EPB41: variants seen among roughly 807,000 people sequenced by gnomAD.
The protein encoded by EPB41 is erythrocyte membrane protein band 4.1.
In EPB41, 65 loss-of-function variants were observed where a neutral mutation model predicts 108.0. The ratio of observed to expected loss-of-function variants is 0.60; its 90% CI spans 0.49 to 0.74. The LOEUF (loss-of-function observed/expected upper bound fraction) is 0.74, where lower values mean the gene tolerates loss of function less well. EPB41 is among the 30% of genes least tolerant of loss of function. The pLI is 0.00. For synonymous variants in EPB41, 336 were observed against 358.9 expected, an observed-to-expected ratio of 0.94 and a Z score of 0.72; for missense variants, 875 against 1,037.0, an observed-to-expected ratio of 0.84 and a Z score of 2.15.
intron 16 of EPB41, among the ~76,000 whole-genome samples, chr1:29,091,730 GCAGA>G (rs1394755523): frequency 3.3e-5 from 5 of 152,120 alleles, no homozygotes; most frequent in African/African-American, 9.7e-5. Flanking sequence ...AGATACATTT[GCAGA>G]CAGAGACAGC....
intron 16 of EPB41, among the ~76,000 whole-genome samples, chr1:29,074,446 G>A (rs6686152): frequency 0.048 from 7,336 of 152,078 alleles, 225 homozygotes; most frequent in Non-Finnish European, 0.073. Flanking sequence ...TACCATATCT[G>A]CTTCCTCTAC....
rs937624297 is a variant in EPB41, at chr1:29,015,846, C to G, written c.905+79C>G. 3.1e-6 allele frequency: 3 copies of G among 962,434 alleles called. No homozygotes were observed. The African/African-American group carries it at 5.0e-5, about 16-fold the overall frequency. The allele number at this position is 962,434 out of a possible 1,614,324, so 59.6% of individuals were successfully genotyped here. A position where few individuals can be genotyped will look rare whatever the true frequency, so the allele number is the denominator to read the frequency against. ...AGACAGTAATTCTTACCACCATAAG[C>G]TCTGCTAATTCCGTATTCAGAACTG... On this transcript the variant is annotated intron_variant, in intron 6 of 20. Coordinates refer to ENST00000343067, the MANE Select transcript of EPB41 (RefSeq NM_001376013.1).
chr1:29,060,818 A>G (rs1057333786), intron 15 of EPB41, among the ~76,000 whole-genome samples: 4 of 152,220 alleles, frequency 2.6e-5, no homozygotes, highest in Non-Finnish European at 5.9e-5. Context: ...ATAAACTTCC[A>G]TATGTCCCAA....
intron 1 of EPB41, among the ~76,000 whole-genome samples, chr1:28,947,505 G>A (rs2094532716): frequency 1.3e-5 from 2 of 151,958 alleles, no homozygotes; most frequent in Non-Finnish European, 2.9e-5. Flanking sequence ...TGCAACCAGG[G>A]AAGTCTAGTG....
chr1:29,082,515 C>T (rs1407058732), intron 16 of EPB41, among the ~76,000 whole-genome samples: 1 of 152,166 alleles, frequency 6.6e-6, no homozygotes, highest in African/African-American at 2.4e-5. Flanking sequence ...TGAAATCCAG[C>T]CAAACAAATT....
intron 4 of EPB41, among the ~76,000 whole-genome samples, chr1:28,998,413 T>C (rs1438297385): frequency 6.6e-5 from 10 of 151,562 alleles, no homozygotes; most frequent in Non-Finnish European, 1.0e-4. Context: ...GTGGAGAGAG[T>C]CTTGTAGACA....
intron 1 of EPB41, chr1:28,985,770 G>A (rs939429067): frequency 3.3e-5 from 5 of 151,978 alleles, no homozygotes; most frequent in Non-Finnish European, 7.4e-5. Flanking sequence ...AGATGTCTTT[G>A]TTTCTTCTCG....
chr1:28,887,170 C>A (rs1229892056), upstream of EPB41: 2 of 1,182,582 alleles, frequency 1.7e-6, no homozygotes, highest in Admixed American at 2.3e-5. This position sits in a 1 kb window ranked among gnomAD's most constrained non-coding sequence, Gnocchi z 4.9. Context: ...CGGCGCGGAG[C>A]CAGAACGCGG....
chr1:29,035,998 T>A, intron 10 of EPB41, 75 bp downstream of exon 10: 1 of 1,149,730 alleles, frequency 8.7e-7, no homozygotes, highest in South Asian at 1.3e-5. Flanking sequence ...CTATTAAAAT[T>A]CCTTTCATTG....
intron 11 of EPB41, among the ~76,000 whole-genome samples, chr1:29,045,711 G>A (rs2150563180): frequency 6.7e-6 from 1 of 148,642 alleles, no homozygotes; most frequent in East Asian, 2.0e-4. Context: ...AGTGCCTCAT[G>A]CCTATAATCC....
At chr1:28,945,054 C>G (rs2094444872) in intron 1 of EPB41, among the ~76,000 whole-genome samples, 1 of 149,224 alleles carries the variant, frequency 6.7e-6, no homozygotes, top group Non-Finnish European at 1.5e-5. Context: ...CCATGGTACT[C>G]CAGCCTGGGT....
At chr1:28,910,332 T>A (rs763842277), upstream of EPB41, among the ~76,000 whole-genome samples, 1 of 151,530 alleles carries the variant, frequency 6.6e-6, no homozygotes, top group Non-Finnish European at 1.5e-5. Flanking sequence ...CTAAAATAAC[T>A]GTGATTTTTT....
chr1:29,039,030 C>G (rs772206434), intron 10 of EPB41, among the ~76,000 whole-genome samples: 5 of 152,062 alleles, frequency 3.3e-5, no homozygotes, highest in African/African-American at 4.8e-5. Context: ...CTGTAAGGCC[C>G]TTTCTATAGA....
intron 18 of EPB41, among the ~76,000 whole-genome samples, chr1:29,110,213 C>T (rs1235377666): frequency 6.6e-6 from 1 of 150,536 alleles, no homozygotes; most frequent in Non-Finnish European, 1.5e-5. Context: ...GGCATAATGG[C>T]GCATGCCTGT....
chr1:29,026,301 A>T (rs1160301090), intron 7 of EPB41, among the ~76,000 whole-genome samples: 1 of 152,218 alleles, frequency 6.6e-6, no homozygotes, highest in Non-Finnish European at 1.5e-5. Context: ...AAAGGGAGAA[A>T]CTAAAATGAA....
chr1:29,071,222 A>G (rs1651214149), intron 16 of EPB41: 1 of 152,226 alleles, frequency 6.6e-6, no homozygotes, highest in South Asian at 2.1e-4. Context: ...TCTGAGCTGT[A>G]CAGGGACAGA....
chr1:29,078,529 C>A (rs1202705952), intron 16 of EPB41, among the ~76,000 whole-genome samples: 1 of 151,888 alleles, frequency 6.6e-6, no homozygotes, highest in East Asian at 1.9e-4. Flanking sequence ...GAGGCTGAGG[C>A]AGGAGGATCA....
intron 19 of EPB41, among the ~76,000 whole-genome samples, chr1:29,113,925 C>T (rs369493869): frequency 2.0e-5 from 3 of 152,040 alleles, no homozygotes; most frequent in African/African-American, 2.4e-5. Context: ...GAGAGGTGGG[C>T]GGAGGCAGAG....
At chr1:29,082,094 A>T (rs1656915756) in intron 16 of EPB41, among the ~76,000 whole-genome samples, 1 of 152,170 alleles carries the variant, frequency 6.6e-6, no homozygotes, top group South Asian at 2.1e-4. Context: ...GGTTCTGTAG[A>T]ATCAAGGTAA....
Sources: allele counts gnomAD v4.1 joint callset (sites outside exome capture counted in the v4.1 genomes callset), GRCh38; gene constraint gnomAD v4.1.1; non-coding constraint Gnocchi (gnomAD v3.1); transcripts MANE v1.5; gene names NCBI Gene and HGNC (gene_info 2026-07-23, HGNC 2026-07-21).